Variants in RAPGEF4 observed in about 807,000 individuals in gnomAD.
The protein encoded by RAPGEF4 is Rap guanine nucleotide exchange factor 4.
RAPGEF4 carries 66 observed loss-of-function variants against 147.9 expected under a neutral mutation model. The observed-to-expected ratio is 0.45, with a 90% CI of 0.37 to 0.55. RAPGEF4 has a LOEUF of 0.55. Among genes scored for constraint, RAPGEF4 ranks in the 20% least tolerant of loss-of-function variants. RAPGEF4 has a pLI of 0.00. For synonymous variants in RAPGEF4, 419 were observed against 442.7 expected (o/e 0.95, Z 0.67); for missense variants, 1,071 against 1,257.3 (o/e 0.85, Z 2.24).
chr2:172,787,411 G>A (rs1390231354), intron 1 of RAPGEF4, among the ~76,000 whole-genome samples: 2 of 151,826 alleles, frequency 1.3e-5, no homozygotes, highest in African/African-American at 4.8e-5. Context: ...TGTCTAACTT[G>A]CTGTCAGAAA....
chr2:173,037,396 T>G (rs1559203573), intron 29 of RAPGEF4, among the ~76,000 whole-genome samples: 1 of 152,140 alleles, frequency 6.6e-6, no homozygotes, highest in Admixed American at 6.5e-5. Context: ...TAGAAAATTT[T>G]TTTCACAACA....
chr2:172,804,887 A>G (rs1687330184), intron 3 of RAPGEF4, among the ~76,000 whole-genome samples: 1 of 152,236 alleles, frequency 6.6e-6, no homozygotes, highest in African/African-American at 2.4e-5. Context: ...AGGATGGAGA[A>G]AAAAGCTATC....
intron 4 of RAPGEF4, among the ~76,000 whole-genome samples, chr2:172,831,812 G>A (rs963115575): frequency 9.2e-5 from 14 of 152,006 alleles, no homozygotes; most frequent in Admixed American, 3.3e-4. Flanking sequence ...ACTAATTTTC[G>A]AAGACGTTAT....
chr2:172,889,443 A>G (rs1697631474), intron 4 of RAPGEF4, among the ~76,000 whole-genome samples: 1 of 152,144 alleles, frequency 6.6e-6, no homozygotes, highest in Admixed American at 6.5e-5. Flanking sequence ...CGGTTGCTAG[A>G]AACATGGGCA....
chr2:172,831,671 T>C (rs1690372316), intron 4 of RAPGEF4, among the ~76,000 whole-genome samples: 2 of 152,160 alleles, frequency 1.3e-5, no homozygotes, highest in African/African-American at 2.4e-5. Flanking sequence ...AAGTAATGCA[T>C]ATGGTTAATA....
chr2:173,040,390 G>C (rs559600933), intron 29 of RAPGEF4, among the ~76,000 whole-genome samples: 1 of 152,054 alleles, frequency 6.6e-6, no homozygotes, highest in Non-Finnish European at 1.5e-5. Flanking sequence ...TGTGGGTCTT[G>C]GGAAAGGCTA....
intron 4 of RAPGEF4, chr2:172,894,264 G>C (rs1035381205): frequency 3.3e-5 from 5 of 152,234 alleles, no homozygotes; most frequent in Non-Finnish European, 5.9e-5. Flanking sequence ...TCCCTATTCA[G>C]ATCTCTGCTT....
intron 25 of RAPGEF4, among the ~76,000 whole-genome samples, chr2:173,027,470 C>G (rs1696774421): frequency 6.6e-6 from 1 of 152,240 alleles, no homozygotes; most frequent in African/African-American, 2.4e-5. Flanking sequence ...CTTTACAGCA[C>G]TGATGCTGGA....
At chr2:172,827,518 T>G (rs1347620468) in intron 4 of RAPGEF4, among the ~76,000 whole-genome samples, 3 of 152,106 alleles carry the variant, frequency 2.0e-5, no homozygotes, top group Admixed American at 1.3e-4. Context: ...CATCCCACCA[T>G]TCTCAGTGAC....
chr2:172,981,590 C>T (rs1177566972), intron 10 of RAPGEF4, among the ~76,000 whole-genome samples: 8 of 152,274 alleles, frequency 5.3e-5, no homozygotes, highest in South Asian at 2.1e-4. Flanking sequence ...TCTCCCGGGT[C>T]GTGGATTTAG....
At chr2:172,965,072 T>G (rs1386137741) in intron 8 of RAPGEF4, 1 of 156,058 alleles carries the variant, frequency 6.4e-6, no homozygotes, top group African/African-American at 2.4e-5. Flanking sequence ...TAGTATTACT[T>G]GAAAATATAA....
At chr2:172,925,065 C>T (rs1217771544) in intron 6 of RAPGEF4, among the ~76,000 whole-genome samples, 1 of 152,208 alleles carries the variant, frequency 6.6e-6, no homozygotes, top group Non-Finnish European at 1.5e-5. Flanking sequence ...ACTGCAAGCT[C>T]CGCCTCCCGG....
intron 1 of RAPGEF4, among the ~76,000 whole-genome samples, chr2:172,753,206 T>C (rs1695451984): frequency 1.3e-5 from 2 of 152,102 alleles, no homozygotes; most frequent in South Asian, 4.1e-4. Context: ...AAGTGGTTGA[T>C]TTGCAAAACT....
chr2:172,997,397 G>A (rs1338127883), intron 16 of RAPGEF4, among the ~76,000 whole-genome samples: 1 of 152,154 alleles, frequency 6.6e-6, no homozygotes, highest in Non-Finnish European at 1.5e-5. Context: ...CATCTGCAAA[G>A]ACCCTATTTC....
In RAPGEF4 at chr2:172,902,301, T is replaced by TTATTTATTTATA. The variant is rs1336158014; in HGVS notation, c.445-15490_445-15489insATATTTATTTAT. 3.3e-5 allele frequency among the ~76,000 whole-genome samples: 5 copies of TTATTTATTTATA among 151,214 alleles called. No individual in the cohort carries two copies. The East Asian group carries it at 1.0e-3, about 30-fold the overall frequency. The stretch of plus-strand genomic sequence containing the variant: ...CCATGTCTGCCTGGATCTTCTTTAT[T>TTATTTATTTATA]TATTTATTTATTTATTTATTTGAGA... On this transcript the variant is annotated intron_variant, in intron 4 of 30. Transcript: ENST00000397081.
intron 8 of RAPGEF4, among the ~76,000 whole-genome samples, chr2:172,964,212 T>C (rs946874278): frequency 2.0e-5 from 3 of 152,070 alleles, no homozygotes; most frequent in African/African-American, 7.2e-5. Flanking sequence ...AATGTGCGGG[T>C]ATAGACTGTA....
chr2:173,040,004 A>C (rs754684851), intron 29 of RAPGEF4, among the ~76,000 whole-genome samples: 5 of 152,126 alleles, frequency 3.3e-5, no homozygotes, highest in Admixed American at 6.5e-5. Context: ...AGCCTGGCCA[A>C]CATGGTGAAA....
chr2:172,999,669 T>A (rs945569135), intron 16 of RAPGEF4, among the ~76,000 whole-genome samples: 1 of 152,230 alleles, frequency 6.6e-6, no homozygotes, highest in Non-Finnish European at 1.5e-5. Flanking sequence ...TAAATTAGAT[T>A]TCCAGTGTTC....
chr2:173,017,124 T>C, intron 19 of RAPGEF4, 50 bp from the exon 20 acceptor site: 1 of 1,561,290 alleles, frequency 6.4e-7, no homozygotes, highest in Non-Finnish European at 8.8e-7. Context: ...AATAAGGCAA[T>C]TTAATAGTAG....
Sources: allele counts gnomAD v4.1 joint callset (sites outside exome capture counted in the v4.1 genomes callset), GRCh38; gene constraint gnomAD v4.1.1; transcripts MANE v1.5; gene names NCBI Gene and HGNC (gene_info 2026-07-23, HGNC 2026-07-21).